The following PCSK2 variants were observed in gnomAD, a reference collection of about 807,000 sequenced individuals.
PCSK2 encodes neuroendocrine convertase 2.
Under a neutral mutation model 69.7 loss-of-function variants are expected in PCSK2, and 14 were observed. The ratio of observed to expected loss-of-function variants is 0.20; its 90% CI spans 0.13 to 0.31. The LOEUF is 0.31. Among genes scored for constraint, PCSK2 ranks in the 10% least tolerant of loss-of-function variants. PCSK2 has a pLI of 1.00. For missense variants in PCSK2, 544 were observed against 842.5 expected (o/e 0.65, Z 4.39); for synonymous variants, 307 against 320.7 (o/e 0.96, Z 0.46).
At chr20:17,291,419 C>G (rs888895289) in intron 2 of PCSK2, among the ~76,000 whole-genome samples, 1 of 152,058 alleles carries the variant, frequency 6.6e-6, no homozygotes, top group Admixed American at 6.6e-5. Flanking sequence ...AAATGATATT[C>G]CATTGTATGA....
rs148757830 is a variant in PCSK2, at chr20:17,476,206, G to A, written c.1431-5378G>A. The stretch of plus-strand genomic sequence containing the variant: ...CTGCTTTTCCTAGAGCCTGTGAGCC[G>A]GGAAAAAACTGAATGCCCTTGAAAC... On this transcript the variant is annotated intron_variant, in intron 11 of 11. Transcript: ENST00000262545. 7.5e-3 allele frequency among the ~76,000 whole-genome samples: 1,148 copies of A among 152,270 alleles called. 10 individuals carry two copies. Among genetic ancestry groups the A allele is most frequent in the African/African-American group, 0.026 (1,064 of 41,546 alleles).
intron 3 of PCSK2, among the ~76,000 whole-genome samples, chr20:17,360,279 G>A (rs1361754297): frequency 6.6e-6 from 1 of 151,876 alleles, no homozygotes; most frequent in Non-Finnish European, 1.5e-5. Context: ...AAGATATTAG[G>A]GGATTGAAAC....
At chr20:17,435,025 C>T (rs1366549339) in intron 7 of PCSK2, among the ~76,000 whole-genome samples, 1 of 152,156 alleles carries the variant, frequency 6.6e-6, no homozygotes, top group East Asian at 1.9e-4. Context: ...CTGGAAAGTT[C>T]AAACCAAAGA....
At chr20:17,267,870 A>T (rs1203413901) in intron 2 of PCSK2, among the ~76,000 whole-genome samples, 1 of 151,896 alleles carries the variant, frequency 6.6e-6, no homozygotes, top group Non-Finnish European at 1.5e-5. Flanking sequence ...CGTCTTTACA[A>T]TTCACAAGGT....
At chr20:17,333,463 A>G (rs564877541) in intron 2 of PCSK2, among the ~76,000 whole-genome samples, 73 of 152,260 alleles carry the variant, frequency 4.8e-4, no homozygotes, top group African/African-American at 1.5e-3. Context: ...AAAGGAAACA[A>G]GAGACACCTA....
Position 17,381,987 on chromosome 20 carries a change from G to C in PCSK2, c.543+12710G>C, listed in dbSNP as rs79725119. ...TATCTGTGAATAAAACCATGGCCAAGGCTATTAACCACTTCGATTAATCAC... is the reference window on the plus strand; with the variant it reads ...TATCTGTGAATAAAACCATGGCCAACGCTATTAACCACTTCGATTAATCAC... On this transcript the variant is annotated intron_variant, in intron 5 of 11. Coordinates refer to ENST00000262545, the MANE Select transcript of PCSK2 (RefSeq NM_002594.5). Among the ~76,000 whole-genome samples, 978 of 152,268 alleles carry C rather than the reference G, an allele frequency of 6.4e-3. 8 individuals carry two copies. Among genetic ancestry groups the C allele is most frequent in the African/African-American group, 0.023 (935 of 41,548 alleles).
At chr20:17,329,921 T>A (rs1456530553) in intron 2 of PCSK2, among the ~76,000 whole-genome samples, 1 of 152,222 alleles carries the variant, frequency 6.6e-6, no homozygotes, top group Non-Finnish European at 1.5e-5. Flanking sequence ...TTGGTATCTA[T>A]CTTTTTATAA....
Position 17,409,039 on chromosome 20 carries a change from C to T in PCSK2, c.544-224C>T, listed in dbSNP as rs563803867. Among the ~76,000 whole-genome samples, 15 of 152,268 alleles carry T rather than the reference C, an allele frequency of 9.9e-5. No individual in the cohort carries two copies. In the South Asian group the frequency reaches 3.1e-3, roughly 32 times the overall value. On this transcript the variant is annotated intron_variant, in intron 5 of 11. Coordinates refer to ENST00000262545, the MANE Select transcript of PCSK2 (RefSeq NM_002594.5). ...CTTACATTTGCTAACCCCTTGAAGG[C>T]TTGAAATAGGATGAAATGGGGAAGC...
chr20:17,321,826 C>G (rs1451258637), intron 2 of PCSK2, among the ~76,000 whole-genome samples: 1 of 152,128 alleles, frequency 6.6e-6, no homozygotes, highest in Non-Finnish European at 1.5e-5. Context: ...AAACTGCTGA[C>G]TTGTATCAGG....
intron 2 of PCSK2, among the ~76,000 whole-genome samples, chr20:17,356,227 C>T (rs1355838854): frequency 1.3e-5 from 2 of 151,892 alleles, no homozygotes; most frequent in Non-Finnish European, 2.9e-5. Flanking sequence ...AAATTTTTGC[C>T]GTTATAAAAA....
chr20:17,478,012 A>G (rs959966342), intron 11 of PCSK2, among the ~76,000 whole-genome samples: 5 of 152,304 alleles, frequency 3.3e-5, no homozygotes, highest in African/African-American at 1.2e-4. Flanking sequence ...GATGGTTGTA[A>G]TTAAAGCAAT....
At position 17,442,952 on chromosome 20, in the gene PCSK2, C is replaced by G. The variant is rs2032627516; in HGVS notation, c.885+6069C>G. On this transcript the variant is annotated intron_variant, in intron 8 of 11. Transcript: ENST00000262545. ...AAGTTCCCTTTGCGAAGTGGAAAAG[C>G]TGGAGGAAAAACACCTGAAACCCCA... Among the ~76,000 whole-genome samples, 3 of 142,218 alleles carry G rather than the reference C, an allele frequency of 2.1e-5. No homozygotes were observed. The South Asian group carries it at 7.3e-4, about 35-fold the overall frequency. 93.3% of individuals were successfully genotyped at this position (142,218 alleles called of 152,430 possible).
chr20:17,307,257 A>G (rs1274979796), intron 2 of PCSK2, among the ~76,000 whole-genome samples: 2 of 152,228 alleles, frequency 1.3e-5, no homozygotes, highest in African/African-American at 4.8e-5. Flanking sequence ...TATCATAGAA[A>G]CAGTTGTTAT....
intron 1 of PCSK2, among the ~76,000 whole-genome samples, chr20:17,248,287 G>A (rs950659069): frequency 6.6e-6 from 1 of 151,894 alleles, no homozygotes; most frequent in African/African-American, 2.4e-5. Context: ...GGATACTCAG[G>A]TGAATGTTTG....
At chr20:17,229,249 G>T (rs938634469) in intron 1 of PCSK2, among the ~76,000 whole-genome samples, 1 of 151,822 alleles carries the variant, frequency 6.6e-6, no homozygotes, top group Non-Finnish European at 1.5e-5. Context: ...ACAGGCAAGG[G>T]CTTCAATCCA....
At chr20:17,440,173 C>T (rs993315172) in intron 8 of PCSK2, among the ~76,000 whole-genome samples, 1 of 152,150 alleles carries the variant, frequency 6.6e-6, no homozygotes, top group African/African-American at 2.4e-5. Context: ...TCACTTTTTG[C>T]AAAATGGTCT....
At chr20:17,236,893 A>G (rs1986360817) in intron 1 of PCSK2, among the ~76,000 whole-genome samples, 1 of 152,168 alleles carries the variant, frequency 6.6e-6, no homozygotes, top group Non-Finnish European at 1.5e-5. Flanking sequence ...CAATGTTCAG[A>G]GGGAAGGAAG....
At chr20:17,310,526 T>G (rs1267543197) in intron 2 of PCSK2, among the ~76,000 whole-genome samples, 1 of 152,122 alleles carries the variant, frequency 6.6e-6, no homozygotes, top group Non-Finnish European at 1.5e-5. Flanking sequence ...AAAATAAATG[T>G]TGCCAATCCA....
intron 8 of PCSK2, among the ~76,000 whole-genome samples, chr20:17,440,452 A>G (rs1386875300): frequency 6.6e-6 from 1 of 152,220 alleles, no homozygotes; most frequent in African/African-American, 2.4e-5. Context: ...GTATTTCCTC[A>G]TCAGACAATG....
Sources: allele counts gnomAD v4.1 joint callset (sites outside exome capture counted in the v4.1 genomes callset), GRCh38; gene constraint gnomAD v4.1.1; transcripts MANE v1.5; gene names NCBI Gene and HGNC (gene_info 2026-07-23, HGNC 2026-07-21).